The following MED13 variants were observed in gnomAD, a reference collection of about 807,000 sequenced individuals.
MED13 encodes mediator of RNA polymerase II transcription subunit 13.
In MED13, 23 loss-of-function variants were observed where a neutral mutation model predicts 225.2. That is an observed-to-expected ratio of 0.10 (90% CI 0.07 to 0.14). The LOEUF is 0.14. Ranked by LOEUF, MED13 falls within the 10% of genes least tolerant of loss-of-function variation. MED13 has a pLI of 1.00. For missense variants in MED13, 2,197 were observed against 2,594.5 expected, an observed-to-expected ratio of 0.85 and a Z score of 3.33; for synonymous variants, 942 against 889.2, an observed-to-expected ratio of 1.06 and a Z score of -1.06.
chr17:62,015,388 A>G (rs2143609157), intron 8 of MED13, among the ~76,000 whole-genome samples: 1 of 152,290 alleles, frequency 6.6e-6, no homozygotes, highest in African/African-American at 2.4e-5. Flanking sequence ...TGAACTTTTT[A>G]AAAAGAATGA....
intron 2 of MED13, among the ~76,000 whole-genome samples, chr17:62,060,825 G>C (rs868267213): frequency 6.6e-6 from 1 of 151,714 alleles, no homozygotes; most frequent in African/African-American, 2.4e-5. Context: ...TCAGCCTACT[G>C]AGTAGCTGGA....
intron 16 of MED13, among the ~76,000 whole-genome samples, chr17:61,973,947 C>G (rs954160025): frequency 6.6e-6 from 1 of 152,042 alleles, no homozygotes; most frequent in African/African-American, 2.4e-5. Flanking sequence ...CATGGCATTG[C>G]ACTCCAGCTT....
At chr17:61,995,500 A>C (rs2080339674) in intron 9 of MED13, 135 bp from the exon 10 acceptor site, 2 of 594,632 alleles carry the variant, frequency 3.4e-6, no homozygotes, top group East Asian at 3.2e-5. Context: ...AGAAATGAGG[A>C]GGCATGAAAA....
chr17:62,005,756 T>C (rs1345884262), intron 9 of MED13: 1 of 152,246 alleles, frequency 6.6e-6, no homozygotes, highest in Non-Finnish European at 1.5e-5. Context: ...GTCTCACTGC[T>C]GCCCAGGCTG....
chr17:61,961,086 G>C lies in MED13; in HGVS notation c.5261C>G (p.Pro1754Arg). 2.5e-6 allele frequency: 4 copies of C among 1,609,476 alleles called. No homozygotes were observed. The highest frequency in any genetic ancestry group is 3.4e-6 in the Non-Finnish European group (4 of 1,176,948). The change falls in exon 23 of 30, where the codon CCA (proline) becomes CGA (arginine). Residue 1754 changes from proline (P) to arginine (R), a missense_variant. Coordinates refer to ENST00000397786, the MANE Select transcript of MED13 (RefSeq NM_005121.3). ...METALRSPDR[P>R]ECIRLYAPPF... ...AGGTGCATAAAGTCGAATACACTCT[G>C]GTCTCTATAAAATAAAAAATTAAGG...
chr17:62,057,330 T>C (rs1027151584), intron 2 of MED13, among the ~76,000 whole-genome samples: 1 of 152,062 alleles, frequency 6.6e-6, no homozygotes, highest in South Asian at 2.1e-4. Flanking sequence ...TCATTATCTA[T>C]GGCAAAACTT....
In MED13 at chr17:61,942,954, A is replaced by T. The variant is rs1401258355; in HGVS notation, c.*3514T>A. The T allele has an allele frequency of 6.6e-6, 1 of 152,558 alleles. No individual in the cohort carries two copies. The highest frequency in any genetic ancestry group is 1.5e-5 in the Non-Finnish European group (1 of 68,002). The allele number at this position is 152,558 out of a possible 1,614,324, so 9.5% of individuals were successfully genotyped here. On this transcript the variant is annotated 3_prime_UTR_variant, in exon 30 of 30. Transcript: ENST00000397786. The stretch of plus-strand genomic sequence containing the variant: ...TCCACATATCCAGTTTACTTTGAAA[A>T]CTAAAGATGTTTTAAAACTTCATGA...
intron 3 of MED13, among the ~76,000 whole-genome samples, chr17:62,050,565 T>C (rs2143752856): frequency 6.6e-6 from 1 of 151,876 alleles, no homozygotes; most frequent in East Asian, 1.9e-4. Flanking sequence ...GTTATGTCTT[T>C]CAAAATTTTT....
chr17:61,997,835 C>T (rs1033332656), intron 9 of MED13, among the ~76,000 whole-genome samples: 6 of 152,076 alleles, frequency 3.9e-5, no homozygotes, highest in African/African-American at 1.4e-4. Flanking sequence ...AAAACCTTCA[C>T]ACTGTTTACA....
chr17:62,009,003 T>C (rs1364321664), intron 9 of MED13, among the ~76,000 whole-genome samples: 2 of 152,150 alleles, frequency 1.3e-5, no homozygotes, highest in Non-Finnish European at 2.9e-5. Context: ...ATTTAACCTA[T>C]TAGTAGCATT....
At chr17:61,965,901 T>C (rs1404290019) in intron 19 of MED13, among the ~76,000 whole-genome samples, 1 of 152,096 alleles carries the variant, frequency 6.6e-6, no homozygotes, top group African/African-American at 2.4e-5. Flanking sequence ...CTAATGAGAT[T>C]CAATATTTTG....
At chr17:62,020,660 T>C (rs1483432061) in intron 8 of MED13, among the ~76,000 whole-genome samples, 1 of 145,936 alleles carries the variant, frequency 6.9e-6, no homozygotes, top group Non-Finnish European at 1.5e-5. Flanking sequence ...ATTTCAGGCG[T>C]GAGTCACTGC....
chr17:62,055,036 A>C (rs1367188484), intron 2 of MED13, among the ~76,000 whole-genome samples: 2 of 152,218 alleles, frequency 1.3e-5, no homozygotes, highest in African/African-American at 4.8e-5. Flanking sequence ...CTTCGCAAAA[A>C]TAGTAAATAA....
chr17:62,029,608 T>C lies in MED13; in HGVS notation c.1216A>G (p.Thr406Ala), dbSNP rs1233119926. Residue 406 changes from threonine (T) to alanine (A), a missense_variant, in exon 8 of 30, where the codon ACA becomes GCA. By Grantham distance (58) the Thr-to-Ala change is moderately conservative. Transcript: ENST00000397786. ...TCCCAGGATGCCACTTTAGCAGCTG[T>C]CGCTTCTTCGCATAGACCACCTGAT... ...ASSGGLCEEA[T>A]AAKVASWDFV... 6.2e-7 allele frequency: 1 copy of C among 1,614,064 alleles called. No individual in the cohort carries two copies. The highest frequency in any genetic ancestry group is 1.3e-5 in the African/African-American group (1 of 74,930).
intron 10 of MED13, 71 bp downstream of exon 10, chr17:61,995,081 A>T (rs2080335895): frequency 4.1e-6 from 4 of 980,306 alleles, no homozygotes; most frequent in Non-Finnish European, 6.3e-6. Context: ...TAACTGTGGT[A>T]GTAAGAGTGT....
At chr17:61,993,073 G>GT (rs945887681) in intron 10 of MED13, among the ~76,000 whole-genome samples, 1 of 151,630 alleles carries the variant, frequency 6.6e-6, no homozygotes, top group African/African-American at 2.4e-5. Context: ...CCTGTGGTAT[G>GT]TTTATCTTAT....
Position 61,958,577 on chromosome 17 carries a change from C to T in MED13, c.5481-2096G>A, listed in dbSNP as rs143393608. Among the ~76,000 whole-genome samples the T allele has an allele frequency of 6.4e-3, 973 of 151,412 alleles. 10 individuals carry two copies. Among genetic ancestry groups the T allele is most frequent in the African/African-American group, 0.022 (918 of 41,280 alleles). ...TGGTCTTGATCTCTTGACCTCGTGA[C>T]CTGCCCACCTTGGCCTCCCAAAGTG... is the stretch of plus-strand genomic sequence containing the variant. On this transcript the variant is annotated intron_variant, in intron 23 of 29. Coordinates refer to ENST00000397786, the MANE Select transcript of MED13 (RefSeq NM_005121.3).
In MED13 at chr17:61,968,333, A is replaced by T. The variant is rs186967174; in HGVS notation, c.3968-75T>A. 1.6e-4 allele frequency: 174 copies of T among 1,095,566 alleles called. 1 individual carries two copies. The African/African-American group carries it at 2.4e-3, about 15-fold the overall frequency. 67.9% of individuals were successfully genotyped at this position (1,095,566 alleles called of 1,614,324 possible). A position where few individuals can be genotyped will look rare whatever the true frequency, so the allele number is the denominator to read the frequency against. On this transcript the variant is annotated intron_variant, in intron 17 of 29. Transcript: ENST00000397786. ...CTCCTTTTTATTTATTTATTTATTT[A>T]TTTATTTTTTGAGACAGAGTCTCGC... is the stretch of plus-strand genomic sequence containing the variant.
At chr17:62,035,919 T>A (rs960087448) in intron 3 of MED13, among the ~76,000 whole-genome samples, 1 of 152,060 alleles carries the variant, frequency 6.6e-6, no homozygotes. Context: ...TGGAAAGGGA[T>A]AGGCTACCAA....
Sources: allele counts gnomAD v4.1 joint callset (sites outside exome capture counted in the v4.1 genomes callset), GRCh38; gene constraint gnomAD v4.1.1; transcripts MANE v1.5; gene names NCBI Gene and HGNC (gene_info 2026-07-23, HGNC 2026-07-21).